Variants in CHCHD3 observed in about 807,000 individuals in gnomAD.
CHCHD3 encodes MICOS complex subunit MIC19.
CHCHD3 carries 20 observed loss-of-function variants against 38.2 expected under a neutral mutation model. The ratio of observed to expected loss-of-function variants is 0.52; its 90% CI spans 0.37 to 0.76. CHCHD3 has a LOEUF of 0.76. CHCHD3 is among the 30% of genes least tolerant of loss of function. CHCHD3 has a pLI of 0.00. For missense variants in CHCHD3, 245 were observed against 279.2 expected (o/e 0.88, Z 0.87); for synonymous variants, 82 against 100.0 (o/e 0.82, Z 1.07).
chr7:133,057,778 T>C (rs937997834), intron 2 of CHCHD3, among the ~76,000 whole-genome samples: 7 of 152,152 alleles, frequency 4.6e-5, no homozygotes, highest in African/African-American at 1.4e-4. Context: ...AATTTATTAT[T>C]TGTATGTTTA....
Position 132,811,072 on chromosome 7 carries a change from G to GA in CHCHD3, c.525-14496dup, listed in dbSNP as rs919129204. Reference sequence around the variant, plus strand: ...ATGTGCTGGCCTGTTGTTTCATTGAGAAAAAAAAAATAAACCAAAAGATAA... The same window carrying GA: ...ATGTGCTGGCCTGTTGTTTCATTGAGAAAAAAAAAAATAAACCAAAAGATAA... On this transcript the variant is annotated intron_variant, in intron 6 of 7. Coordinates refer to ENST00000262570, the MANE Select transcript of CHCHD3 (RefSeq NM_017812.4). 2.0e-4 allele frequency among the ~76,000 whole-genome samples: 29 copies of GA among 148,646 alleles called. No homozygotes were observed. In the East Asian group the frequency reaches 2.4e-3, roughly 12 times the overall value.
intron 2 of CHCHD3, among the ~76,000 whole-genome samples, chr7:133,059,265 C>T (rs1187216870): frequency 1.3e-5 from 2 of 152,216 alleles, no homozygotes; most frequent in Non-Finnish European, 2.9e-5. Flanking sequence ...AAGAGAGCAG[C>T]GGGTTCTACT....
At chr7:132,794,488 G>A (rs1255074038) in intron 7 of CHCHD3, among the ~76,000 whole-genome samples, 1 of 152,178 alleles carries the variant, frequency 6.6e-6, no homozygotes, top group East Asian at 1.9e-4. Context: ...CTGCCGAAAT[G>A]TAAGGTGGTG....
chr7:133,050,860 C>A (rs6467460), intron 2 of CHCHD3, among the ~76,000 whole-genome samples: 40,991 of 151,420 alleles, frequency 0.27, 5,864 homozygotes, highest in Middle Eastern at 0.35. Flanking sequence ...GCTAAAAATA[C>A]AAAAAATTAG....
intron 4 of CHCHD3, among the ~76,000 whole-genome samples, chr7:132,967,512 C>T (rs1026902035): frequency 2.7e-4 from 41 of 152,014 alleles, no homozygotes; most frequent in African/African-American, 9.4e-4. Context: ...TATTTCTGGC[C>T]GGGTGCTGTG....
chr7:132,982,103 G>A (rs6948238), intron 3 of CHCHD3, among the ~76,000 whole-genome samples: 67,347 of 151,682 alleles, frequency 0.44, 15,168 homozygotes, highest in East Asian at 0.54. Context: ...ATTCAATGAA[G>A]TAATTATTAG....
chr7:132,979,275 G>A (rs1343011839), intron 3 of CHCHD3, among the ~76,000 whole-genome samples: 4 of 152,016 alleles, frequency 2.6e-5, no homozygotes, highest in Non-Finnish European at 5.9e-5. Context: ...ATTTCTACTC[G>A]ATGGGCACAT....
chr7:132,909,899 T>C (rs1809899634), intron 4 of CHCHD3, among the ~76,000 whole-genome samples: 2 of 152,210 alleles, frequency 1.3e-5, no homozygotes, highest in Non-Finnish European at 2.9e-5. Flanking sequence ...CATGAGGCAA[T>C]GTACAAAGTG....
chr7:132,934,777 A>G (rs2117261137), intron 4 of CHCHD3, among the ~76,000 whole-genome samples: 1 of 152,334 alleles, frequency 6.6e-6, no homozygotes, highest in East Asian at 1.9e-4. Context: ...CACATGGGGC[A>G]ATAACCTTAG....
chr7:132,877,656 G>T (rs201870406), intron 5 of CHCHD3, among the ~76,000 whole-genome samples: 2 of 152,270 alleles, frequency 1.3e-5, no homozygotes, highest in East Asian at 3.9e-4. Context: ...TCTGTTGCTT[G>T]TGACATTACA....
At chr7:132,913,600 A>G (rs1810020429) in intron 4 of CHCHD3, among the ~76,000 whole-genome samples, 2 of 152,182 alleles carry the variant, frequency 1.3e-5, no homozygotes, top group African/African-American at 2.4e-5. Context: ...AATCTCACCA[A>G]ATATCCACAT....
intron 1 of CHCHD3, among the ~76,000 whole-genome samples, chr7:133,080,734 G>A (rs942383951): frequency 1.2e-4 from 19 of 152,270 alleles, no homozygotes; most frequent in African/African-American, 3.6e-4. Context: ...AACTGAGTTC[G>A]ACAGTCTGAG....
intron 4 of CHCHD3, among the ~76,000 whole-genome samples, chr7:132,914,280 A>G (rs1810046704): frequency 6.6e-6 from 1 of 151,846 alleles, no homozygotes; most frequent in Non-Finnish European, 1.5e-5. Context: ...GAGCCGACAC[A>G]CCCGGCCTAA....
intron 7 of CHCHD3, among the ~76,000 whole-genome samples, chr7:132,786,163 C>T (rs554207137): frequency 1.3e-5 from 2 of 152,324 alleles, no homozygotes; most frequent in South Asian, 4.1e-4. Flanking sequence ...GGGCAACAGT[C>T]TTTGCTGTCT....
intron 5 of CHCHD3, among the ~76,000 whole-genome samples, chr7:132,853,578 C>T (rs1344817916): frequency 6.6e-6 from 1 of 151,992 alleles, no homozygotes; most frequent in Admixed American, 6.5e-5. Context: ...GCTGAGATCG[C>T]GCCACTGCAC....
chr7:132,885,970 T>C (rs1054828497), intron 4 of CHCHD3, among the ~76,000 whole-genome samples: 8 of 152,180 alleles, frequency 5.3e-5, no homozygotes, highest in African/African-American at 1.9e-4. Context: ...TGTCCTATTT[T>C]GTCCAAATAT....
chr7:132,964,261 C>T (rs774306521), intron 4 of CHCHD3, among the ~76,000 whole-genome samples: 11 of 152,136 alleles, frequency 7.2e-5, no homozygotes, highest in Admixed American at 2.0e-4. Context: ...TCTTACCTCC[C>T]GCACAAATGA....
intron 5 of CHCHD3, among the ~76,000 whole-genome samples, chr7:132,874,389 T>C (rs546227626): frequency 6.6e-6 from 1 of 152,340 alleles, no homozygotes; most frequent in Non-Finnish European, 1.5e-5. Context: ...GAATAGCAAG[T>C]CCTATAGATT....
At chr7:133,065,493 GA>G (rs963573058) in intron 2 of CHCHD3, among the ~76,000 whole-genome samples, 9 of 152,134 alleles carry the variant, frequency 5.9e-5, no homozygotes, top group Admixed American at 5.2e-4. Flanking sequence ...TCACACATAT[GA>G]ATAGCCTAGG....
Sources: allele counts gnomAD v4.1 joint callset (sites outside exome capture counted in the v4.1 genomes callset), GRCh38; gene constraint gnomAD v4.1.1; transcripts MANE v1.5; gene names NCBI Gene and HGNC (gene_info 2026-07-23, HGNC 2026-07-21).